The following LETMD1 variants were observed in gnomAD, a reference collection of about 807,000 sequenced individuals.
LETMD1 encodes LETM1 domain-containing protein 1.
A neutral mutation model predicts 43.9 loss-of-function variants in LETMD1; 30 were observed. That is an observed-to-expected ratio of 0.68 (90% CI 0.51 to 0.93). The LOEUF is 0.93. Ranked by LOEUF, LETMD1 falls within the 40% of genes least tolerant of loss-of-function variation. The probability of loss-of-function intolerance (pLI) is 0.00; values close to 1 mark genes in which losing one functional copy is unlikely to be tolerated. For missense variants in LETMD1, 413 were observed against 447.7 expected, an observed-to-expected ratio of 0.92 and a Z score of 0.70; for synonymous variants, 176 against 163.1, an observed-to-expected ratio of 1.08 and a Z score of -0.60.
chr12:51,066,695 T>C, the LETMD1 span, among the ~76,000 whole-genome samples: 2 of 151,872 alleles, frequency 1.3e-5, no homozygotes, highest in South Asian at 2.1e-4. Flanking sequence ...CAGATAACTA[T>C]GGTTTTAAGC....
chr12:51,056,105 G>C lies in LETMD1; in HGVS notation c.661-39G>C, dbSNP rs1947631571. 1.9e-6 allele frequency: 3 copies of C among 1,610,482 alleles called. No homozygotes were observed. The East Asian group carries it at 6.7e-5, about 36-fold the overall frequency. The stretch of plus-strand genomic sequence containing the variant: ...TAAACTAGGTAAGAGGAGTAGTCAG[G>C]ACTTTCCTAACATCTACAAATCTCT... On this transcript the variant is annotated intron_variant, in intron 5 of 8. Coordinates refer to ENST00000262055, the MANE Select transcript of LETMD1 (RefSeq NM_015416.5).
chr12:51,068,758 C>A, the LETMD1 span, among the ~76,000 whole-genome samples: 1 of 151,904 alleles, frequency 6.6e-6, no homozygotes, highest in African/African-American at 2.4e-5. Flanking sequence ...CAACTTGCAC[C>A]CACTGAATGC....
the LETMD1 span, chr12:51,068,005 T>A: frequency 1.3e-5 from 20 of 1,592,852 alleles, no homozygotes; most frequent in East Asian, 4.0e-4. Flanking sequence ...CTCATAGACA[T>A]GAGCGGCATG....
chr12:51,051,851 A>G (rs1004537755), intron 2 of LETMD1, among the ~76,000 whole-genome samples: 3 of 152,250 alleles, frequency 2.0e-5, no homozygotes, highest in Non-Finnish European at 4.4e-5. Flanking sequence ...GAGGGAGACC[A>G]TTCCATAGCA....
intron 6 of LETMD1, 31 bp downstream of exon 6, chr12:51,056,276 A>G: frequency 6.2e-7 from 1 of 1,613,448 alleles, no homozygotes; most frequent in Admixed American, 1.7e-5. Context: ...TCTTTTCCAT[A>G]GCATCACCAT....
chr12:51,053,413 C>T (rs1205873195), intron 3 of LETMD1, among the ~76,000 whole-genome samples: 2 of 152,116 alleles, frequency 1.3e-5, no homozygotes, highest in Admixed American at 6.5e-5. Context: ...GAAGCCAAGG[C>T]GGGCAGATCA....
At chr12:51,055,684 A>C (rs1040657188) in intron 4 of LETMD1, 151 bp from the exon 5 acceptor site, 1 of 439,286 alleles carries the variant, frequency 2.3e-6, no homozygotes, top group Non-Finnish European at 4.0e-6. Context: ...AAAAAAAAAA[A>C]AAAAAACTGA....
the LETMD1 span, among the ~76,000 whole-genome samples, chr12:51,067,353 AT>A: frequency 2.5e-3 from 382 of 152,120 alleles, no homozygotes; most frequent in Middle Eastern, 0.024. This position sits in a 1 kb window ranked among gnomAD's most constrained non-coding sequence, Gnocchi z 4.1. Flanking sequence ...CTTTGCAAAA[AT>A]TTTAAGAGAC....
At chr12:51,051,099 C>A (rs1945958683) in intron 2 of LETMD1, among the ~76,000 whole-genome samples, 2 of 151,358 alleles carry the variant, frequency 1.3e-5, no homozygotes, top group Non-Finnish European at 2.9e-5. Context: ...ATATATTGAA[C>A]TAAACTACTT....
At chr12:51,058,407 C>CCTG in intron 8 of LETMD1, 1 of 365,096 alleles carries the variant, frequency 2.7e-6, no homozygotes, top group Non-Finnish European at 4.9e-6. Flanking sequence ...ATATCCTGTG[C>CCTG]TTTATTTATT....
intron 8 of LETMD1, 184 bp downstream of exon 8, chr12:51,058,312 G>C: frequency 1.6e-6 from 1 of 610,322 alleles, no homozygotes; most frequent in Non-Finnish European, 2.9e-6. Context: ...CATAAGACAA[G>C]AGGGAGTAGT....
chr12:51,055,841 G>T lies in LETMD1; in HGVS notation c.480G>T (p.Leu160=). The change falls in exon 5 of 9, where the codon CTG becomes CTT. Residue 160 remains leucine (L), a synonymous_variant. Coordinates refer to ENST00000262055, the MANE Select transcript of LETMD1 (RefSeq NM_015416.5). ...TGATTCTTTCTCCTTTCAGGTACCT[G>T]TTTCCCAGGCAACTACTGATCAGGC... ...ANYLVFLLMY[L]FPRQLLIRHF... is the part of the protein sequence containing the mutation. The T allele has an allele frequency of 1.9e-6, 3 of 1,597,952 alleles. No individual in the cohort carries two copies. Among genetic ancestry groups the T allele is most frequent in the Non-Finnish European group, 2.6e-6 (3 of 1,172,222 alleles).
downstream of LETMD1, chr12:51,061,960 A>C (rs1027281847): frequency 2.0e-5 from 3 of 152,322 alleles, no homozygotes; most frequent in African/African-American, 7.2e-5. Context: ...TCGAGAGCTC[A>C]GGTACTTAAA....
At chr12:51,064,446 T>C (rs1937895148), downstream of LETMD1, 3 of 1,610,818 alleles carry the variant, frequency 1.9e-6, no homozygotes, top group South Asian at 1.1e-5. Flanking sequence ...CTGGAAGTCC[T>C]GGGTCTCAGA....
intron 7 of LETMD1, chr12:51,057,054 C>T (rs1947936076): frequency 6.5e-6 from 1 of 152,928 alleles, no homozygotes; most frequent in Non-Finnish European, 1.5e-5. Flanking sequence ...AGCCGTGAAC[C>T]ACTGTGCCCG....
At position 51,060,138 on chromosome 12, in the gene LETMD1, T is replaced by A. The variant is rs1363417352; in HGVS notation, c.*707T>A. On this transcript the variant is annotated 3_prime_UTR_variant, in exon 9 of 9. Coordinates refer to ENST00000262055, the MANE Select transcript of LETMD1 (RefSeq NM_015416.5). The stretch of plus-strand genomic sequence containing the variant: ...TCACTCTCCATTGTCTTTTCTGGGC[T>A]GTATTACAGCCCTCTGTGGATCTTC... The A allele has an allele frequency of 6.5e-6, 1 of 152,870 alleles. No homozygotes were observed. Among genetic ancestry groups the A allele is most frequent in the Non-Finnish European group, 1.5e-5 (1 of 68,224 alleles). 9.5% of individuals were successfully genotyped at this position (152,870 alleles called of 1,614,324 possible).
In LETMD1 at chr12:51,056,433, G is replaced by T; in HGVS notation, c.846G>T (p.Val282=). 1 of 1,614,184 alleles carries T rather than the reference G, an allele frequency of 6.2e-7. No homozygotes were observed. Among genetic ancestry groups the T allele is most frequent in the Non-Finnish European group, 8.5e-7 (1 of 1,180,046 alleles). Residue 282 remains valine (V), a synonymous_variant, in exon 7 of 9, where the codon GTG becomes GTT. Coordinates refer to ENST00000262055, the MANE Select transcript of LETMD1 (RefSeq NM_015416.5). The part of the protein sequence containing the change: ...LRHRLKTHTT[V]IHQLDKALAK... ...ATCGTTTGAAGACTCATACAACTGT[G>T]ATTCACCAACTGGACAAGGCTTTGG...
chr12:51,055,742 T>G, intron 4 of LETMD1, 93 bp from the exon 5 acceptor site: 1 of 726,944 alleles, frequency 1.4e-6, no homozygotes, highest in Non-Finnish European at 2.3e-6. Flanking sequence ...CCATCTCTTC[T>G]TCCTAGTATT....
chr12:51,055,157 C>CTA (rs1365683585), intron 4 of LETMD1, among the ~76,000 whole-genome samples: 1 of 152,000 alleles, frequency 6.6e-6, no homozygotes, highest in Non-Finnish European at 1.5e-5. Flanking sequence ...AAGGACTGTG[C>CTA]TATAGTTAGA....
Sources: allele counts gnomAD v4.1 joint callset (sites outside exome capture counted in the v4.1 genomes callset), GRCh38; gene constraint gnomAD v4.1.1; non-coding constraint Gnocchi (gnomAD v3.1); transcripts MANE v1.5; gene names NCBI Gene and HGNC (gene_info 2026-07-23, HGNC 2026-07-21).